The following AGBL1 variants were observed in gnomAD, a reference collection of about 807,000 sequenced individuals.
The protein encoded by AGBL1 is cytosolic carboxypeptidase 4.
In AGBL1, 130 loss-of-function variants were observed where a neutral mutation model predicts 118.9. That is an observed-to-expected ratio of 1.09 (90% CI 0.95 to 1.26). The LOEUF is 1.26. Among genes scored for constraint, AGBL1 ranks in the 50% most tolerant of loss-of-function variants. The pLI, the probability that AGBL1 is intolerant of heterozygous loss-of-function variation, is 0.00. For synonymous variants in AGBL1, 555 were observed against 478.9 expected (o/e 1.16, Z -2.08); for missense variants, 1,584 against 1,298.1 (o/e 1.22, Z -3.38).
intron 4 of AGBL1, among the ~76,000 whole-genome samples, chr15:86,155,915 T>G (rs7176119): frequency 0.13 from 19,925 of 152,126 alleles, 1,446 homozygotes; most frequent in Middle Eastern, 0.21. Context: ...CTCACTTTAT[T>G]TTTTTAATTT....
At chr15:86,563,955 C>T (rs561086016) in intron 21 of AGBL1, among the ~76,000 whole-genome samples, 1 of 152,186 alleles carries the variant, frequency 6.6e-6, no homozygotes, top group African/African-American at 2.4e-5. Context: ...GGTTGCAACC[C>T]CTGCCTTTTT....
chr15:86,806,911 G>A (rs2078722598), intron 22 of AGBL1, among the ~76,000 whole-genome samples: 2 of 151,418 alleles, frequency 1.3e-5, no homozygotes, highest in Admixed American at 6.6e-5. Flanking sequence ...CGTATCATAC[G>A]GTACATATAT....
intron 22 of AGBL1, among the ~76,000 whole-genome samples, chr15:86,776,605 ACTTGTCTTTT>A (rs1341695909): frequency 4.0e-4 from 59 of 149,306 alleles, no homozygotes; most frequent in African/African-American, 1.4e-3. Flanking sequence ...CCAGTTTGTG[ACTTGTCTTTT>A]CATTTTTGTG....
intron 23 of AGBL1, among the ~76,000 whole-genome samples, chr15:86,949,764 T>C (rs911703625): frequency 1.3e-5 from 2 of 151,988 alleles, no homozygotes; most frequent in African/African-American, 4.8e-5. Context: ...AAATGAGAAA[T>C]AGACAAACTC....
intron 19 of AGBL1, among the ~76,000 whole-genome samples, chr15:86,545,764 C>T (rs972644430): frequency 6.6e-6 from 1 of 152,136 alleles, no homozygotes; most frequent in Non-Finnish European, 1.5e-5. Context: ...TCTATTCACT[C>T]CTAAGACCCT....
chr15:86,428,621 A>T (rs1461476766), intron 18 of AGBL1, among the ~76,000 whole-genome samples: 7 of 152,322 alleles, frequency 4.6e-5, no homozygotes, highest in African/African-American at 1.4e-4. Context: ...AAACAAGAGG[A>T]ACTCTGTAAT....
intron 21 of AGBL1, among the ~76,000 whole-genome samples, chr15:86,559,168 G>C (rs2083778526): frequency 6.6e-6 from 1 of 151,974 alleles, no homozygotes; most frequent in African/African-American, 2.4e-5. Context: ...AGACATACTG[G>C]AATAAGAGCC....
At chr15:86,224,232 T>C (rs1244524141) in intron 5 of AGBL1, among the ~76,000 whole-genome samples, 2 of 152,172 alleles carry the variant, frequency 1.3e-5, no homozygotes, top group Admixed American at 6.5e-5. Context: ...TGTAGGTAGA[T>C]TTTTGTGTGA....
At chr15:86,107,937 T>A (rs1897147009) in intron 1 of AGBL1, among the ~76,000 whole-genome samples, 1 of 152,160 alleles carries the variant, frequency 6.6e-6, no homozygotes, top group South Asian at 2.1e-4. Context: ...GAAGATCAGC[T>A]CTCTTAAAAT....
chr15:86,507,965 C>T (rs1033683269), intron 18 of AGBL1, among the ~76,000 whole-genome samples: 2 of 150,442 alleles, frequency 1.3e-5, no homozygotes, highest in Non-Finnish European at 2.9e-5. Flanking sequence ...GTAGTTGATG[C>T]TCCTTCCTTC....
intron 21 of AGBL1, among the ~76,000 whole-genome samples, chr15:86,592,879 G>A (rs1462278912): frequency 6.6e-6 from 1 of 152,136 alleles, no homozygotes; most frequent in Admixed American, 6.5e-5. Context: ...TTCCTGGGGT[G>A]CGGGACCATC....
chr15:86,812,161 T>G (rs1013259734), intron 22 of AGBL1, among the ~76,000 whole-genome samples: 2 of 152,222 alleles, frequency 1.3e-5, no homozygotes, highest in African/African-American at 4.8e-5. Flanking sequence ...TTACTTTTTA[T>G]TTTTCATATT....
intron 23 of AGBL1, among the ~76,000 whole-genome samples, chr15:86,930,032 C>CATTCCAACAATCG: frequency 6.6e-6 from 1 of 152,258 alleles, no homozygotes; most frequent in Admixed American, 6.5e-5. Flanking sequence ...CAACAATCCA[C>CATTCCAACAATCG]GCTTGCTTGC....
intron 5 of AGBL1, among the ~76,000 whole-genome samples, chr15:86,175,529 C>G (rs535150605): frequency 2.0e-5 from 3 of 151,792 alleles, no homozygotes; most frequent in African/African-American, 4.8e-5. Flanking sequence ...TTATTCCTTT[C>G]TTTCTACTAA....
intron 4 of AGBL1, among the ~76,000 whole-genome samples, chr15:86,157,035 C>T (rs1023526745): frequency 2.0e-5 from 3 of 152,044 alleles, no homozygotes; most frequent in Admixed American, 6.6e-5. Context: ...GGTGATCCAC[C>T]CACCTCAGCC....
chr15:86,481,882 G>T (rs1054141906), intron 18 of AGBL1, among the ~76,000 whole-genome samples: 5 of 152,110 alleles, frequency 3.3e-5, no homozygotes, highest in African/African-American at 1.2e-4. Flanking sequence ...AGTAGAAGGG[G>T]TTGTGTTTTA....
intron 23 of AGBL1, chr15:86,946,208 T>C (rs2080818755): frequency 6.6e-6 from 1 of 152,236 alleles, no homozygotes; most frequent in African/African-American, 2.4e-5. Flanking sequence ...ACTATTTGGT[T>C]GGAAGAAGCC....
At chr15:86,709,492 T>C (rs144900624) in intron 22 of AGBL1, among the ~76,000 whole-genome samples, 165 of 152,276 alleles carry the variant, frequency 1.1e-3, no homozygotes, top group African/African-American at 3.9e-3. Flanking sequence ...CAAAACTGAA[T>C]GGCATTGGCT....
chr15:86,142,155 G>T (rs771709678), intron 2 of AGBL1, 88 bp downstream of exon 2: 4 of 1,350,816 alleles, frequency 3.0e-6, no homozygotes, highest in Non-Finnish European at 2.0e-6. Flanking sequence ...TGACCTGGGG[G>T]TTTGCTCTTG....
Sources: gnomAD v4.1 joint callset for allele counts (sites outside exome capture counted in the v4.1 genomes callset) on GRCh38, gnomAD v4.1.1 for gene constraint, MANE v1.5 for transcripts, NCBI Gene and HGNC (gene_info 2026-07-23, HGNC 2026-07-21) for gene names.